Variants in HLA-DPB1 observed in about 807,000 individuals in gnomAD.
HLA-DPB1 encodes major histocompatibility complex, class II, DP beta 1, also known as HLA class II histocompatibility antigen, DP beta 1 chain.
A neutral mutation model predicts 29.4 loss-of-function variants in HLA-DPB1; 30 were observed. That is an observed-to-expected ratio of 1.02 (90% CI 0.76 to 1.38). The LOEUF (loss-of-function observed/expected upper bound fraction) is 1.38. Among genes scored for constraint, HLA-DPB1 ranks in the 40% most tolerant of loss-of-function variants. The pLI is 0.00. For missense variants in HLA-DPB1, 261 were observed against 327.5 expected (o/e 0.80, Z 1.57); for synonymous variants, 114 against 134.0 (o/e 0.85, Z 1.03).
chr6:33,084,924 T>A, intron 2 of HLA-DPB1, 26 bp from the exon 3 acceptor site: 3 of 1,400,568 alleles, frequency 2.1e-6, no homozygotes, highest in Non-Finnish European at 2.9e-6. Context: ...AAATTCTATT[T>A]CATTATTTTT....
intron 1 of HLA-DPB1, among the ~76,000 whole-genome samples, chr6:33,076,568 C>T (rs891482708): frequency 8.5e-5 from 13 of 152,114 alleles, no homozygotes; most frequent in African/African-American, 1.7e-4. Flanking sequence ...TCAGTGCTCA[C>T]GAAGAATGCC....
At position 33,084,920 on chromosome 6, in the gene HLA-DPB1, T is replaced by C; in HGVS notation, c.365-30T>C. On this transcript the variant is annotated intron_variant, in intron 2 of 5. Coordinates refer to ENST00000418931, the MANE Select transcript of HLA-DPB1 (RefSeq NM_002121.6). ...AGGAAAGAAGGACAATCTCAAATTC[T>C]ATTTCATTATTTTTCTTCCACGCTC... The C allele has an allele frequency of 6.6e-6, 9 of 1,359,788 alleles. 1 individual carries two copies. The highest frequency in any genetic ancestry group is 9.0e-6 in the Non-Finnish European group (9 of 997,748). The allele number at this position is 1,359,788 out of a possible 1,614,324, so 84.2% of individuals were successfully genotyped here.
chr6:33,085,484 CCCTCACACTTAGGAACTGA>C (rs969428264), intron 3 of HLA-DPB1, among the ~76,000 whole-genome samples: 30 of 152,274 alleles, frequency 2.0e-4, no homozygotes, highest in Admixed American at 1.7e-3. Flanking sequence ...GGTCTCGAAA[CCCTCACACTTAGGAACTGA>C]CCTCACACAT....
chr6:33,086,504 G>A (rs9277517), intron 5 of HLA-DPB1, 35 bp from the exon 6 acceptor site: 150,341 of 601,566 alleles, frequency 0.25, 30,588 homozygotes, highest in East Asian at 0.54. Context: ...GAAGGAGGCT[G>A]GCAACCTGGG....
chr6:33,081,661 G>C (rs1762872772), intron 2 of HLA-DPB1, among the ~76,000 whole-genome samples: 1 of 152,144 alleles, frequency 6.6e-6, no homozygotes, highest in African/African-American at 2.4e-5. Flanking sequence ...GGGGAGAGCA[G>C]GTTGGCCGCA....
At chr6:33,086,176 G>A (rs1308981560) in intron 4 of HLA-DPB1, 43 bp from the exon 5 acceptor site, 1 of 1,479,602 alleles carries the variant, frequency 6.8e-7, no homozygotes, top group Non-Finnish European at 9.4e-7. Context: ...TATCTGAGGT[G>A]GTTTCAATGG....
chr6:33,085,989 C>T (rs1583130158), intron 4 of HLA-DPB1, 100 bp downstream of exon 4: 2 of 831,424 alleles, frequency 2.4e-6, no homozygotes, highest in South Asian at 1.7e-5. Context: ...TCAGAAAGCT[C>T]TAGAGGCCAC....
chr6:33,088,436 A>G lies in HLA-DPB1; in HGVS notation c.*1902A>G, dbSNP rs1037222782. Among the ~76,000 whole-genome samples, 1 of 152,170 alleles carries G rather than the reference A, an allele frequency of 6.6e-6. No individual in the cohort carries two copies. The highest frequency in any genetic ancestry group is 1.5e-5 in the Non-Finnish European group (1 of 68,032). ...TGCACCCACATTACAGGAACAGGAT[A>G]TGTGCTCCTAGGGAACTGAGGGTGT... On this transcript the variant is annotated 3_prime_UTR_variant, in exon 6 of 6. Coordinates refer to ENST00000418931, the MANE Select transcript of HLA-DPB1 (RefSeq NM_002121.6).
In HLA-DPB1 at chr6:33,086,219, T is replaced by C; in HGVS notation, c.758T>C (p.Val253Ala). ...TATAACCTTTCGTCTTTCATTTCAG[T>C]TCAACGAGGATCTGCATAAACAGGT... ...GIFMHRRSKKVQRGSA is the reference protein window; with the variant it reads ...GIFMHRRSKKAQRGSA The change falls in exon 5 of 6, where the codon GTT (valine) becomes GCT (alanine). Residue 253 changes from valine (V) to alanine (A), a missense_variant and splice_region_variant. By Grantham distance (64) the Val-to-Ala change is moderately conservative. Coordinates refer to ENST00000418931, the MANE Select transcript of HLA-DPB1 (RefSeq NM_002121.6). 6.3e-7 allele frequency: 1 copy of C among 1,582,376 alleles called. No homozygotes were observed. The highest frequency in any genetic ancestry group is 8.7e-7 in the Non-Finnish European group (1 of 1,153,262).
chr6:33,085,748 G>C, intron 3 of HLA-DPB1, 31 bp from the exon 4 acceptor site: 1 of 1,415,476 alleles, frequency 7.1e-7, no homozygotes, highest in Non-Finnish European at 1.0e-6. Context: ...GCTGGTGGAG[G>C]TGACACTAAA....
Position 33,088,243 on chromosome 6 carries a change from C to T in HLA-DPB1, c.*1709C>T, listed in dbSNP as rs539307606. 1.3e-5 allele frequency among the ~76,000 whole-genome samples: 2 copies of T among 152,330 alleles called. No homozygotes were observed. Among genetic ancestry groups the T allele is most frequent in the South Asian group, 2.1e-4 (1 of 4,828 alleles). The stretch of plus-strand genomic sequence containing the variant: ...TCAGACCCAGAGCACATAAATCCTA[C>T]CCTCAGAGTCACTGAGCAGTTAACA... On this transcript the variant is annotated 3_prime_UTR_variant, in exon 6 of 6. Transcript: ENST00000418931.
intron 1 of HLA-DPB1, 102 bp downstream of exon 1, chr6:33,076,243 C>G: frequency 2.6e-6 from 2 of 780,734 alleles, no homozygotes; most frequent in Admixed American, 4.6e-5. Context: ...TGCGGGGGCT[C>G]CTGCCCTAAG....
At chr6:33,084,334 C>T (rs987328840) in intron 2 of HLA-DPB1, among the ~76,000 whole-genome samples, 11 of 152,302 alleles carry the variant, frequency 7.2e-5, no homozygotes, top group Non-Finnish European at 1.2e-4. Context: ...CCTGCCATTC[C>T]GCTATATACT....
chr6:33,086,280 G>T lies in HLA-DPB1; in HGVS notation c.*4+38G>T, dbSNP rs9277494. The T allele has an allele frequency of 3.4e-6, 5 of 1,458,994 alleles. No individual in the cohort carries two copies. The African/African-American group carries it at 7.2e-5, about 21-fold the overall frequency. 90.4% of individuals were successfully genotyped at this position (1,458,994 alleles called of 1,614,324 possible). A position where few individuals can be genotyped will look rare whatever the true frequency, so the allele number is the denominator to read the frequency against. ...CTTTGATTTCCTTGTGGGGTGGGTTGCAGGAGGATATGAGTCCTTTCTGTG... is the reference window on the plus strand; with the variant it reads ...CTTTGATTTCCTTGTGGGGTGGGTTTCAGGAGGATATGAGTCCTTTCTGTG... On this transcript the variant is annotated intron_variant, in intron 5 of 5. Coordinates refer to ENST00000418931, the MANE Select transcript of HLA-DPB1 (RefSeq NM_002121.6).
chr6:33,081,033 G>A (rs17221164), intron 2 of HLA-DPB1, 98 bp downstream of exon 2: 14,345 of 1,322,460 alleles, frequency 0.011, 215 homozygotes, highest in African/African-American at 0.064. Context: ...CCTTAGTGCC[G>A]GGCGGAAAGG....
chr6:33,082,870 G>T (rs990285009), intron 2 of HLA-DPB1, among the ~76,000 whole-genome samples: 1 of 152,126 alleles, frequency 6.6e-6, no homozygotes, highest in Non-Finnish European at 1.5e-5. Context: ...GAGGCCATTG[G>T]GTATCAGGCC....
chr6:33,079,546 G>A (rs148727571), intron 1 of HLA-DPB1: 78 of 376,488 alleles, frequency 2.1e-4, no homozygotes, highest in African/African-American at 6.1e-4. Flanking sequence ...TCAAAATTAA[G>A]CATAACTGGC....
chr6:33,076,116 T>G lies in HLA-DPB1; in HGVS notation c.75T>G (p.Ser25=). Residue 25 remains serine (S), a synonymous_variant, in exon 1 of 6, where the codon TCT becomes TCG. Transcript: ENST00000418931. ...LTALLMVLLT[S]VVQGRATPEN... ...CGTTACTGATGGTGCTGCTCACATC[T>G]GTGGTCCAGGGCAGGGCCACTCCAG... 1 of 1,611,400 alleles carries G rather than the reference T, an allele frequency of 6.2e-7. No homozygotes were observed. Among genetic ancestry groups the G allele is most frequent in the Non-Finnish European group, 8.5e-7 (1 of 1,179,334 alleles).
chr6:33,076,894 TCTCTCAGGATA>T (rs1235143728), intron 1 of HLA-DPB1, among the ~76,000 whole-genome samples: 1 of 152,228 alleles, frequency 6.6e-6, no homozygotes, highest in East Asian at 1.9e-4. Context: ...CCATTGTTTT[TCTCTCAGGATA>T]CTCTCAGGAT....
Sources: allele counts gnomAD v4.1 joint callset (sites outside exome capture counted in the v4.1 genomes callset), GRCh38; gene constraint gnomAD v4.1.1; transcripts MANE v1.5; gene names NCBI Gene and HGNC (gene_info 2026-07-23, HGNC 2026-07-21).